Variants in FNDC1 observed in about 807,000 individuals in gnomAD.
FNDC1 encodes the protein fibronectin type III domain containing 1, also known as fibronectin type III domain-containing protein 1.
Under a neutral mutation model 168.0 loss-of-function variants are expected in FNDC1, and 96 were observed. The observed-to-expected ratio is 0.57, with a 90% CI of 0.48 to 0.68. The LOEUF is 0.68. Among genes scored for constraint, FNDC1 ranks in the 30% least tolerant of loss-of-function variants. FNDC1 has a pLI of 0.00. For synonymous variants in FNDC1, 1,099 were observed against 1,025.9 expected, an observed-to-expected ratio of 1.07 and a Z score of -1.36; for missense variants, 2,587 against 2,482.1, an observed-to-expected ratio of 1.04 and a Z score of -0.90.
rs959032431 is a variant in FNDC1, at chr6:159,232,204, G to T, written c.1692G>T (p.Arg564=). Residue 564 remains arginine, a synonymous_variant, in exon 11 of 23, where the codon CGG becomes CGT. Coordinates refer to ENST00000297267, the MANE Select transcript of FNDC1 (RefSeq NM_032532.3). The surrounding 1 kb of genome is among the most constrained non-coding windows in gnomAD (Gnocchi z 4.9). ...MSPSDTQDQK[R]TLRPPSRHGH... is the part of the protein sequence containing the mutation. The stretch of plus-strand genomic sequence containing the variant: ...CCTCAGACACCCAAGACCAGAAACG[G>T]ACCCTGAGGCCGCCAAGTAGACACG... The T allele has an allele frequency of 2.5e-6, 4 of 1,613,550 alleles. No individual in the cohort carries two copies. Among genetic ancestry groups the T allele is most frequent in the Non-Finnish European group, 3.4e-6 (4 of 1,179,744 alleles).
Position 159,233,942 on chromosome 6 carries a change from C to T in FNDC1, c.3430C>T (p.Pro1144Ser), listed in dbSNP as rs1783178390. The T allele has an allele frequency of 1.3e-6, 2 of 1,563,104 alleles. No individual in the cohort carries two copies. The highest frequency in any genetic ancestry group is 1.7e-6 in the Non-Finnish European group (2 of 1,153,896). The change falls in exon 11 of 23, where the codon CCC becomes TCC. Residue 1144 changes from proline to serine, a missense_variant. Coordinates refer to ENST00000297267, the MANE Select transcript of FNDC1 (RefSeq NM_032532.3). The surrounding 1 kb of genome is among the most constrained non-coding windows in gnomAD (Gnocchi z 4.6). ...CGCCAGGCCCAGCCGACCCGGCGGC[C>T]CCCAGTCCCGCGCCCGGGTACCCAG... ...SPARPSRPGG[P>S]QSRARVPSRA... is the part of the protein sequence containing the mutation.
chr6:159,245,020 A>G (rs1783508511), intron 14 of FNDC1, among the ~76,000 whole-genome samples: 1 of 152,220 alleles, frequency 6.6e-6, no homozygotes. Flanking sequence ...GGCACATCTT[A>G]CATGGTGGCA....
intron 20 of FNDC1, among the ~76,000 whole-genome samples, chr6:159,265,208 G>A (rs1474364786): frequency 1.3e-5 from 2 of 152,124 alleles, no homozygotes; most frequent in African/African-American, 2.4e-5. Context: ...TAGAGCCATA[G>A]CAATCAACAT....
At chr6:159,241,066 A>T (rs1783409336) in intron 14 of FNDC1, 1 of 152,204 alleles carries the variant, frequency 6.6e-6, no homozygotes, top group Non-Finnish European at 1.5e-5. Context: ...AAAACTTGAC[A>T]CATCTAAAAA....
chr6:159,232,651 A>G lies in FNDC1; in HGVS notation c.2139A>G (p.Ser713=), dbSNP rs1469603206. Residue 713 remains serine (S), a synonymous_variant, in exon 11 of 23, where the codon TCA becomes TCG. Coordinates refer to ENST00000297267, the MANE Select transcript of FNDC1 (RefSeq NM_032532.3). The surrounding 1 kb of genome is among the most constrained non-coding windows in gnomAD (Gnocchi z 4.9). ...SGAAEEDSSA[S]APPSRLSPPH... is the part of the protein sequence containing the mutation. ...CCGCAGAGGAAGATTCCAGTGCCTC[A>G]GCCCCACCCTCAAGACTTTCTCCAC... 2.7e-5 allele frequency: 43 copies of G among 1,613,024 alleles called. No homozygotes were observed. Among genetic ancestry groups the G allele is most frequent in the Non-Finnish European group, 3.4e-5 (40 of 1,179,428 alleles).
Position 159,169,451 on chromosome 6 carries a change from AGGGGCG to A in FNDC1, c.-145_-140del. Reference sequence around the variant, plus strand: ...CGGCCGGGAGCGATCGCCGCGGGGCAGGGGCGCGGCGGGCACCGCGCAGAGCGCGCA... The same window carrying A: ...CGGCCGGGAGCGATCGCCGCGGGGCACGGCGGGCACCGCGCAGAGCGCGCA... On this transcript the variant is annotated 5_prime_UTR_variant, in exon 1 of 23. Transcript: ENST00000297267. This position sits in a 1 kb window ranked among gnomAD's most constrained non-coding sequence, Gnocchi z 6.8. The A allele has an allele frequency of 5.7e-6, 1 of 174,254 alleles. No individual in the cohort carries two copies. The highest frequency in any genetic ancestry group is 1.2e-5 in the Non-Finnish European group (1 of 85,234). The allele number at this position is 174,254 out of a possible 1,614,324, so 10.8% of individuals were successfully genotyped here. A position where few individuals can be genotyped will look rare whatever the true frequency, so the allele number is the denominator to read the frequency against.
intron 1 of FNDC1, among the ~76,000 whole-genome samples, chr6:159,194,155 T>G (rs1349687911): frequency 6.6e-6 from 1 of 152,202 alleles, no homozygotes; most frequent in Non-Finnish European, 1.5e-5. Context: ...GACAGGAAAT[T>G]CTTTTCATTT....
chr6:159,221,271 T>A (rs969631138), intron 5 of FNDC1, among the ~76,000 whole-genome samples: 1 of 152,248 alleles, frequency 6.6e-6, no homozygotes, highest in Non-Finnish European at 1.5e-5. Context: ...GTTATTCTTT[T>A]CTTTTTTAAA....
intron 4 of FNDC1, among the ~76,000 whole-genome samples, chr6:159,212,541 G>A (rs1326743357): frequency 6.6e-6 from 1 of 152,026 alleles, no homozygotes; most frequent in Non-Finnish European, 1.5e-5. Flanking sequence ...TGAAAAAAAT[G>A]GGGTTGGTTT....
At chr6:159,218,985 G>A (rs1043614069) in intron 5 of FNDC1, among the ~76,000 whole-genome samples, 120 of 152,018 alleles carry the variant, frequency 7.9e-4, no homozygotes, top group African/African-American at 2.9e-3. Flanking sequence ...CACTGACTGG[G>A]GGTTCCTGGG....
chr6:159,264,393 C>T (rs1777551267), intron 19 of FNDC1, among the ~76,000 whole-genome samples: 1 of 152,196 alleles, frequency 6.6e-6, no homozygotes, highest in Admixed American at 6.5e-5. Context: ...GAGATTCATC[C>T]AAAACATTGT....
intron 17 of FNDC1, among the ~76,000 whole-genome samples, chr6:159,254,255 A>G (rs768859441): frequency 3.0e-4 from 45 of 152,016 alleles, no homozygotes; most frequent in Non-Finnish European, 4.3e-4. Flanking sequence ...TACAACATTC[A>G]GTGGTGGAAT....
chr6:159,196,853 A>G (rs1441224189), intron 1 of FNDC1, among the ~76,000 whole-genome samples: 2 of 152,262 alleles, frequency 1.3e-5, no homozygotes, highest in Non-Finnish European at 2.9e-5. Context: ...CTTCTGGAAC[A>G]CAATATGGAA....
intron 1 of FNDC1, among the ~76,000 whole-genome samples, chr6:159,184,899 T>C (rs1272875326): frequency 6.6e-6 from 1 of 152,164 alleles, no homozygotes. Flanking sequence ...GGCTTCTAGT[T>C]GGGTCTCTGT....
intron 18 of FNDC1, among the ~76,000 whole-genome samples, chr6:159,258,247 A>T (rs892349234): frequency 1.2e-4 from 19 of 152,194 alleles, no homozygotes; most frequent in African/African-American, 4.3e-4. Context: ...GAAAATACAC[A>T]TGGCCCTGCC....
chr6:159,188,746 C>CTT lies in FNDC1; in HGVS notation c.110-8667_110-8666dup, dbSNP rs869093208. Among the ~76,000 whole-genome samples, 619 of 126,524 alleles carry CTT rather than the reference C, an allele frequency of 4.9e-3. 9 individuals carry two copies. The highest frequency in any genetic ancestry group is 0.017 in the African/African-American group (585 of 34,750). 83.0% of individuals were successfully genotyped at this position (126,524 alleles called of 152,430 possible). A position where few individuals can be genotyped will look rare whatever the true frequency, so the allele number is the denominator to read the frequency against. On this transcript the variant is annotated intron_variant, in intron 1 of 22. Coordinates refer to ENST00000297267, the MANE Select transcript of FNDC1 (RefSeq NM_032532.3). ...GTAGCTTCAAAAATGTTAATTTTTA[C>CTT]TTTTTTTTTTTTTTTTTTTAAGATG...
chr6:159,221,483 G>T, intron 5 of FNDC1, 115 bp from the exon 6 acceptor site: 1 of 788,928 alleles, frequency 1.3e-6, no homozygotes, highest in Non-Finnish European at 2.1e-6. Flanking sequence ...CCAGAAAGAG[G>T]AAACGGAAAA....
At chr6:159,222,872 G>A (rs1203780565) in intron 6 of FNDC1, among the ~76,000 whole-genome samples, 1 of 151,792 alleles carries the variant, frequency 6.6e-6, no homozygotes, top group Non-Finnish European at 1.5e-5. Flanking sequence ...AGCTTACAGT[G>A]TATATTGAGA....
intron 19 of FNDC1, among the ~76,000 whole-genome samples, chr6:159,261,481 C>T (rs1777483521): frequency 6.6e-6 from 1 of 152,006 alleles, no homozygotes; most frequent in Admixed American, 6.6e-5. Flanking sequence ...CTCTGAAGAA[C>T]AGAAAGGTCA....
Sources: gnomAD v4.1 joint callset for allele counts (sites outside exome capture counted in the v4.1 genomes callset) on GRCh38, gnomAD v4.1.1 for gene constraint, Gnocchi (gnomAD v3.1) non-coding constraint, MANE v1.5 for transcripts, NCBI Gene and HGNC (gene_info 2026-07-23, HGNC 2026-07-21) for gene names.